PTPN22: variants seen among roughly 807,000 people sequenced by gnomAD.
PTPN22 encodes tyrosine-protein phosphatase non-receptor type 22.
Under a neutral mutation model 103.3 loss-of-function variants are expected in PTPN22, and 85 were observed. The ratio of observed to expected loss-of-function variants is 0.82; its 90% CI spans 0.69 to 0.99. The LOEUF (loss-of-function observed/expected upper bound fraction) is 0.99, where lower values mean the gene tolerates loss of function less well. Ranked by LOEUF, PTPN22 falls within the 50% of genes least tolerant of loss-of-function variation. The pLI is 0.00. For synonymous variants in PTPN22, 323 were observed against 310.2 expected, an observed-to-expected ratio of 1.04 and a Z score of -0.43; for missense variants, 865 against 936.9, an observed-to-expected ratio of 0.92 and a Z score of 1.00.
rs1247468122 is a variant in PTPN22 at position 113,871,526 on chromosome 1, A to C, written c.87+11T>G. 5.6e-6 allele frequency: 9 copies of C among 1,612,320 alleles called. No homozygotes were observed. The highest frequency in any genetic ancestry group is 7.6e-6 in the Non-Finnish European group (9 of 1,178,392). ...TGTAACTACCCTGAGAGGGTCACATACAGGACTCACCAGAAATTCATTGGC... is the reference window on the plus strand; with the variant it reads ...TGTAACTACCCTGAGAGGGTCACATCCAGGACTCACCAGAAATTCATTGGC... On this transcript the variant is annotated intron_variant, in intron 1 of 20. Transcript: ENST00000359785.
exon 13 of PTPN22, chr1:113,838,354 T>G: frequency 6.3e-7 from 1 of 1,597,964 alleles, no homozygotes; most frequent in Non-Finnish European, 8.5e-7. Flanking sequence ...AGAAGATTCT[T>G]TGATTTCCAT....
At chr1:113,863,496 A>T (rs568606428) in intron 1 of PTPN22, among the ~76,000 whole-genome samples, 48 of 152,332 alleles carry the variant, frequency 3.2e-4, no homozygotes, top group African/African-American at 1.1e-3. Flanking sequence ...TTCAGAGGTG[A>T]TGTGATACAT....
chr1:113,857,827 A>G (rs751311107), intron 4 of PTPN22, 51 bp from the exon 5 acceptor site: 2 of 1,506,886 alleles, frequency 1.3e-6, no homozygotes, highest in South Asian at 1.2e-5. Flanking sequence ...AGTTAGAAAG[A>G]GCAGTTAATA....
At chr1:113,853,306 A>C (rs1664727315) in intron 9 of PTPN22, among the ~76,000 whole-genome samples, 2 of 152,092 alleles carry the variant, frequency 1.3e-5, no homozygotes, top group Non-Finnish European at 2.9e-5. Flanking sequence ...TATCCAGTAA[A>C]ATATAATGTG....
chr1:113,843,445 C>G (rs563002446), intron 11 of PTPN22, among the ~76,000 whole-genome samples: 2 of 152,252 alleles, frequency 1.3e-5, no homozygotes, highest in East Asian at 3.9e-4. Flanking sequence ...AGGACAAATA[C>G]TATATGATTC....
intron 7 of PTPN22, 135 bp downstream of exon 7, chr1:113,856,247 T>C (rs1665058149): frequency 1.2e-5 from 15 of 1,257,512 alleles, no homozygotes; most frequent in South Asian, 3.5e-5. Flanking sequence ...TTCTCTTGAA[T>C]ATGAAGACTC....
At chr1:113,833,189 A>T (rs759052617) in intron 15 of PTPN22, 51 bp from the exon 16 acceptor site, 1 of 1,433,356 alleles carries the variant, frequency 7.0e-7, no homozygotes, top group South Asian at 1.2e-5. Flanking sequence ...TATACAAATT[A>T]TACAAACTCA....
chr1:113,855,397 C>T lies in PTPN22; in HGVS notation c.541-348G>A, dbSNP rs796997605. The stretch of plus-strand genomic sequence containing the variant: ...GTAGTCCCAGCTACTGGGGAGGCCA[C>T]GGCACAAGAGTTGCTTGGACCCAGG... On this transcript the variant is annotated intron_variant, in intron 7 of 20. Coordinates refer to ENST00000359785, the Ensembl canonical transcript of PTPN22. Among the ~76,000 whole-genome samples, 9 of 150,014 alleles carry T rather than the reference C, an allele frequency of 6.0e-5. No individual in the cohort carries two copies. In the South Asian group the frequency reaches 1.3e-3, roughly 21 times the overall value.
intron 16 of PTPN22, among the ~76,000 whole-genome samples, chr1:113,830,624 A>C (rs1389018072): frequency 2.0e-5 from 3 of 152,154 alleles, no homozygotes. Flanking sequence ...ACAATTGAAA[A>C]CTGAACAGTC....
At chr1:113,833,062 C>T in intron 16 of PTPN22, 49 bp downstream of exon 16, 2 of 1,513,238 alleles carry the variant, frequency 1.3e-6, no homozygotes, top group Non-Finnish European at 1.8e-6. Context: ...ACGAACCATT[C>T]TTCCAATCTT....
In PTPN22 at chr1:113,829,716, A is replaced by T. The variant is rs1212511580; in HGVS notation, c.2135-9T>A. 3.3e-6 allele frequency: 5 copies of T among 1,513,796 alleles called. No individual in the cohort carries two copies. In the Admixed American group the frequency reaches 8.3e-5, roughly 25 times the overall value. The allele number at this position is 1,513,796 out of a possible 1,614,324, so 93.8% of individuals were successfully genotyped here. ...AGATTGGGCCTGCATACCTTAAAAA[A>T]AAAAAAGGAGAAAAACATGTTCCAT... On this transcript the variant is annotated splice_polypyrimidine_tract_variant and intron_variant, in intron 17 of 20. Coordinates refer to ENST00000359785, the Ensembl canonical transcript of PTPN22.
chr1:113,862,008 C>T (rs1244417104), intron 1 of PTPN22, among the ~76,000 whole-genome samples: 3 of 151,922 alleles, frequency 2.0e-5, no homozygotes, highest in Admixed American at 6.6e-5. Flanking sequence ...AGACTGGGTG[C>T]GGTGGCTCAC....
chr1:113,820,011 C>A (rs536634783), intron 19 of PTPN22, among the ~76,000 whole-genome samples: 2 of 151,706 alleles, frequency 1.3e-5, no homozygotes, highest in African/African-American at 4.8e-5. Context: ...TTTCCTCTGG[C>A]CACTCTTAGT....
chr1:113,841,805 G>GT (rs1234653263), intron 11 of PTPN22, among the ~76,000 whole-genome samples: 1 of 152,066 alleles, frequency 6.6e-6, no homozygotes, highest in Non-Finnish European at 1.5e-5. Flanking sequence ...ATTTCACCAT[G>GT]TTGGCCAGGC....
chr1:113,855,163 A>T, intron 7 of PTPN22, 114 bp from the exon 8 acceptor site: 1 of 902,004 alleles, frequency 1.1e-6, no homozygotes, highest in East Asian at 2.5e-5. Flanking sequence ...GCATGCAACA[A>T]ACCTGCACAT....
exon 13 of PTPN22, chr1:113,838,098 T>A (rs778197188): frequency 6.2e-6 from 10 of 1,614,038 alleles, no homozygotes; most frequent in African/African-American, 1.3e-5. Flanking sequence ...AATATCTTCC[T>A]GCTGCATTTA....
chr1:113,844,749 T>C (rs935148897), intron 11 of PTPN22, among the ~76,000 whole-genome samples: 2 of 152,200 alleles, frequency 1.3e-5, no homozygotes, highest in South Asian at 4.1e-4. Context: ...TTTAGAAAAG[T>C]GTGGTTTGAT....
intron 10 of PTPN22, among the ~76,000 whole-genome samples, chr1:113,849,652 A>G (rs912332100): frequency 2.0e-5 from 3 of 151,220 alleles, no homozygotes; most frequent in Non-Finnish European, 4.4e-5. Flanking sequence ...CAGTGATGCA[A>G]TCTCGGCTTA....
At position 113,838,425 on chromosome 1, in the gene PTPN22, C is replaced by G. The variant is rs374748943; in HGVS notation, c.993-18G>C. ...TTGTGGTACTAAAACAAAAAGAAAGCGTAATGATGACACCATACCCCAAAC... is the reference window on the plus strand; with the variant it reads ...TTGTGGTACTAAAACAAAAAGAAAGGGTAATGATGACACCATACCCCAAAC... On this transcript the variant is annotated intron_variant, in intron 12 of 20. Coordinates refer to ENST00000359785, the Ensembl canonical transcript of PTPN22. The G allele has an allele frequency of 3.8e-6, 6 of 1,580,410 alleles. No individual in the cohort carries two copies. Among genetic ancestry groups the G allele is most frequent in the Non-Finnish European group, 5.1e-6 (6 of 1,165,488 alleles).
Sources: gnomAD v4.1 joint callset for allele counts (sites outside exome capture counted in the v4.1 genomes callset) on GRCh38, gnomAD v4.1.1 for gene constraint, MANE v1.5 for transcripts, NCBI Gene and HGNC (gene_info 2026-07-23, HGNC 2026-07-21) for gene names.